The following C12orf54 variants were observed in gnomAD, a reference collection of about 807,000 sequenced individuals.
C12orf54 encodes the protein uncharacterized protein C12orf54.
In C12orf54, 24 loss-of-function variants were observed where a neutral mutation model predicts 26.4. The ratio of observed to expected loss-of-function variants is 0.91; its 90% CI spans 0.66 to 1.28. The LOEUF (loss-of-function observed/expected upper bound fraction) is 1.28. Ranked by LOEUF, C12orf54 falls within the 50% of genes most tolerant of loss-of-function variation. The pLI, the probability that C12orf54 is intolerant of heterozygous loss-of-function variation, is 0.00. For synonymous variants in C12orf54, 54 were observed against 47.0 expected (o/e 1.15, Z -0.61); for missense variants, 154 against 150.9 (o/e 1.02, Z -0.11).
upstream of C12orf54, among the ~76,000 whole-genome samples, chr12:48,478,638 C>T (rs1954168448): frequency 6.6e-6 from 1 of 152,074 alleles, no homozygotes; most frequent in South Asian, 2.1e-4. Flanking sequence ...TGAGTGAACT[C>T]CCCTTCACAA....
chr12:48,431,143 G>T, the C12orf54 span, among the ~76,000 whole-genome samples: 1 of 152,136 alleles, frequency 6.6e-6, no homozygotes, highest in Admixed American at 6.6e-5. Context: ...TTGGGAACTT[G>T]TGGGGAAGGG....
At chr12:48,428,732 C>T in the C12orf54 span, among the ~76,000 whole-genome samples, 5 of 151,940 alleles carry the variant, frequency 3.3e-5, no homozygotes, top group East Asian at 7.7e-4. Context: ...TGGAATTCTA[C>T]AAGACATAAA....
the C12orf54 span, among the ~76,000 whole-genome samples, chr12:48,464,262 A>C: frequency 1.3e-5 from 2 of 152,274 alleles, no homozygotes; most frequent in African/African-American, 4.8e-5. Context: ...AATCAGTAGC[A>C]TTTCTATACA....
the C12orf54 span, among the ~76,000 whole-genome samples, chr12:48,455,031 T>A: frequency 6.6e-6 from 1 of 152,170 alleles, no homozygotes; most frequent in Non-Finnish European, 1.5e-5. Context: ...TCACTGGAGT[T>A]TGGTGTACAA....
intron 4 of C12orf54, among the ~76,000 whole-genome samples, chr12:48,487,413 C>A (rs1263766972): frequency 1.3e-5 from 2 of 152,192 alleles, no homozygotes; most frequent in Non-Finnish European, 2.9e-5. Flanking sequence ...CCAGCCCCCA[C>A]TGTACAATAT....
At chr12:48,479,477 C>A (rs892098866), upstream of C12orf54, among the ~76,000 whole-genome samples, 1 of 151,704 alleles carries the variant, frequency 6.6e-6, no homozygotes, top group Admixed American at 6.6e-5. Context: ...CAAACCTGCA[C>A]GTTGTGCACA....
the C12orf54 span, among the ~76,000 whole-genome samples, chr12:48,419,235 G>A: frequency 2.6e-5 from 4 of 152,108 alleles, no homozygotes; most frequent in African/African-American, 4.8e-5. Flanking sequence ...CAGGATATAC[G>A]AAAATAAACA....
chr12:48,435,452 A>G, the C12orf54 span, among the ~76,000 whole-genome samples: 1 of 152,228 alleles, frequency 6.6e-6, no homozygotes, highest in Non-Finnish European at 1.5e-5. Context: ...TCCAAGACAT[A>G]TAATTGTCAG....
chr12:48,448,184 G>C, the C12orf54 span, among the ~76,000 whole-genome samples: 32 of 152,360 alleles, frequency 2.1e-4, no homozygotes, highest in East Asian at 6.2e-3. Context: ...TAAGCCACTC[G>C]GTACCTGGAC....
intron 8 of C12orf54, chr12:48,495,495 G>C (rs1376995682): frequency 6.5e-6 from 1 of 152,708 alleles, no homozygotes; most frequent in Admixed American, 6.5e-5. Flanking sequence ...CTTCCCCAAA[G>C]GCACTGTTTA....
At chr12:48,494,343 A>G (rs1937864807) in intron 7 of C12orf54, among the ~76,000 whole-genome samples, 1 of 152,162 alleles carries the variant, frequency 6.6e-6, no homozygotes, top group Non-Finnish European at 1.5e-5. Context: ...CTTATAAAAT[A>G]AAGCCATTTG....
chr12:48,447,830 C>A, the C12orf54 span, among the ~76,000 whole-genome samples: 37 of 152,156 alleles, frequency 2.4e-4, no homozygotes, highest in Middle Eastern at 3.2e-3. Flanking sequence ...AATCTAATCA[C>A]ATGAGTTTTT....
At chr12:48,456,115 C>G in the C12orf54 span, among the ~76,000 whole-genome samples, 1 of 152,190 alleles carries the variant, frequency 6.6e-6, no homozygotes, top group East Asian at 1.9e-4. Context: ...GTAAAGCTTT[C>G]TCTATATCTC....
chr12:48,428,574 A>T, the C12orf54 span, among the ~76,000 whole-genome samples: 3 of 152,212 alleles, frequency 2.0e-5, no homozygotes. Context: ...CCTAGAAGAG[A>T]TGGATAAATT....
At chr12:48,429,621 C>T in the C12orf54 span, among the ~76,000 whole-genome samples, 1 of 151,798 alleles carries the variant, frequency 6.6e-6, no homozygotes, top group East Asian at 1.9e-4. Context: ...AGGTGAAAGG[C>T]CTCTACAAGG....
the C12orf54 span, among the ~76,000 whole-genome samples, chr12:48,428,845 C>A: frequency 3.9e-5 from 6 of 152,034 alleles, no homozygotes; most frequent in Non-Finnish European, 7.4e-5. Flanking sequence ...AATACCAAAA[C>A]CAGGGAAGGA....
intron 4 of C12orf54, chr12:48,487,946 A>G: frequency 1.5e-6 from 1 of 684,572 alleles, no homozygotes. Context: ...AGCCGCTGAG[A>G]TGTTGATACC....
chr12:48,454,453 A>T, the C12orf54 span, among the ~76,000 whole-genome samples: 3 of 151,978 alleles, frequency 2.0e-5, no homozygotes, highest in Non-Finnish European at 4.4e-5. Context: ...AGTCATTTTT[A>T]CCTGACATAG....
intron 4 of C12orf54, chr12:48,488,492 A>AAAAG (rs1555142564): frequency 1.0e-5 from 4 of 383,514 alleles, no homozygotes; most frequent in South Asian, 6.2e-5. Flanking sequence ...AAAAAAAAAA[A>AAAAG]AAAGAAAGAA....
Sources: gnomAD v4.1 joint callset for allele counts (sites outside exome capture counted in the v4.1 genomes callset) on GRCh38, gnomAD v4.1.1 for gene constraint, MANE v1.5 for transcripts, NCBI Gene and HGNC (gene_info 2026-07-23, HGNC 2026-07-21) for gene names.